The following CUX1 variants were observed in gnomAD, a reference collection of about 807,000 sequenced individuals.
CUX1 encodes cut like homeobox 1, also known as protein CASP.
CUX1 carries 31 observed loss-of-function variants against 158.8 expected under a neutral mutation model. That is an observed-to-expected ratio of 0.20 (90% CI 0.15 to 0.26). CUX1 has a LOEUF of 0.26. Ranked by LOEUF, CUX1 falls within the 10% of genes least tolerant of loss-of-function variation. CUX1 has a pLI of 1.00. For missense variants in CUX1, 1,589 were observed against 2,014.6 expected (o/e 0.79, Z 4.04); for synonymous variants, 879 against 862.1 (o/e 1.02, Z -0.34).
chr7:101,908,298 A>T lies in CUX1; in HGVS notation c.31-7817A>T, dbSNP rs557573966. ...AGGATGGCACTTTCCCGCATGCACC[A>T]CCATGCCTGGCTGATTTTTGTATTT... On this transcript the variant is annotated intron_variant, in intron 1 of 23. Coordinates refer to ENST00000292535, the MANE Select transcript of CUX1 (RefSeq NM_181552.4). Among the ~76,000 whole-genome samples, 106 of 152,294 alleles carry T rather than the reference A, an allele frequency of 7.0e-4. 1 individual carries two copies. The Middle Eastern group carries it at 0.024, about 34-fold the overall frequency.
At chr7:101,861,889 C>T (rs548623973) in intron 1 of CUX1, among the ~76,000 whole-genome samples, 1 of 152,156 alleles carries the variant, frequency 6.6e-6, no homozygotes, top group Non-Finnish European at 1.5e-5. Flanking sequence ...GGCTGGAGTG[C>T]AGTGGCACAA....
At chr7:102,276,608 G>A (rs1196777676) in intron 17 of CUX1, among the ~76,000 whole-genome samples, 1 of 152,152 alleles carries the variant, frequency 6.6e-6, no homozygotes, top group Non-Finnish European at 1.5e-5. Flanking sequence ...GCCACTGCTT[G>A]AATTTTGAAT....
chr7:102,067,123 G>C (rs998436277), intron 3 of CUX1, among the ~76,000 whole-genome samples: 5 of 151,658 alleles, frequency 3.3e-5, no homozygotes, highest in African/African-American at 1.2e-4. Flanking sequence ...ACACCCTTCA[G>C]TTGGCATCCA....
At chr7:102,114,724 T>G (rs1460470157) in intron 7 of CUX1, among the ~76,000 whole-genome samples, 1 of 152,074 alleles carries the variant, frequency 6.6e-6, no homozygotes, top group African/African-American at 2.4e-5. Context: ...CAACAGTGTT[T>G]TAAAATATTA....
chr7:102,195,785 C>T (rs1388732212), intron 14 of CUX1, among the ~76,000 whole-genome samples, 182 bp downstream of exon 14: 1 of 152,214 alleles, frequency 6.6e-6, no homozygotes, highest in African/African-American at 2.4e-5. Context: ...TTCCCTTCCC[C>T]GCCCTGCTTA....
intron 19 of CUX1, chr7:102,280,193 T>G: frequency 1.0e-6 from 1 of 997,372 alleles, no homozygotes; most frequent in South Asian, 1.3e-5. Flanking sequence ...CCCCCATCAC[T>G]TGGCCCCTAT....
chr7:101,983,346 C>T (rs1010012829), intron 2 of CUX1, among the ~76,000 whole-genome samples: 3 of 152,126 alleles, frequency 2.0e-5, no homozygotes, highest in African/African-American at 7.2e-5. Flanking sequence ...GTCTCCAGCC[C>T]CAGGAAACTT....
At chr7:102,215,927 C>T (rs923756346) in intron 20 of CUX1, among the ~76,000 whole-genome samples, 1 of 152,236 alleles carries the variant, frequency 6.6e-6, no homozygotes, top group Non-Finnish European at 1.5e-5. Flanking sequence ...ATGGGCACCC[C>T]CAAGCCTGCT....
rs183630141 is a variant in CUX1 at position 101,857,144 on chromosome 7, C to T, written c.30+39475C>T. ...CTGCGCCATGTTCCTGCCCTTACCC[C>T]GCCCGGTGTTAGCGTCACGTGGGTC... On this transcript the variant is annotated intron_variant, in intron 1 of 23. Coordinates refer to ENST00000292535, the MANE Select transcript of CUX1 (RefSeq NM_181552.4). Among the ~76,000 whole-genome samples the T allele has an allele frequency of 6.6e-5, 10 of 152,354 alleles. No homozygotes were observed. In the East Asian group the frequency reaches 9.7e-4, roughly 15 times the overall value.
In CUX1 at chr7:102,280,917, G is replaced by A. The variant is rs1400023636; in HGVS notation, c.1821+57G>A. ...GGACAGGCCTGAGCCTCTGTCTCCA[G>A]GCACCTCTTCACCTGCCCTGCAGCC... On this transcript the variant is annotated intron_variant, in intron 20 of 22. Transcript: ENST00000292538. 5 of 1,540,422 alleles carry A rather than the reference G, an allele frequency of 3.2e-6. No homozygotes were observed. In the East Asian group the frequency reaches 1.1e-4, roughly 35 times the overall value.
chr7:102,097,332 A>G (rs782180373), intron 4 of CUX1, 32 bp from the exon 5 acceptor site: 2 of 1,591,532 alleles, frequency 1.3e-6, no homozygotes, highest in Non-Finnish European at 1.7e-6. Flanking sequence ...TTGCTGGCCG[A>G]GTGGGGTGAT....
Position 102,250,912 on chromosome 7 carries a change from A to C in CUX1, c.*1870A>C. On this transcript the variant is annotated 3_prime_UTR_variant, in exon 24 of 24. Coordinates refer to ENST00000292535, the MANE Select transcript of CUX1 (RefSeq NM_181552.4). Reference sequence around the variant, plus strand: ...AGTTACGGCTTCTACAAGTTTGCTAATTTAGACTTCTTTATTGCCATATCT... The same window carrying C: ...AGTTACGGCTTCTACAAGTTTGCTACTTTAGACTTCTTTATTGCCATATCT... 3.0e-6 allele frequency: 3 copies of C among 984,998 alleles called. No individual in the cohort carries two copies. Among genetic ancestry groups the C allele is most frequent in the Middle Eastern group, 5.2e-4 (1 of 1,914 alleles). The allele number at this position is 984,998 out of a possible 1,614,324, so 61.0% of individuals were successfully genotyped here. A position where few individuals can be genotyped will look rare whatever the true frequency, so the allele number is the denominator to read the frequency against.
chr7:102,012,525 A>G (rs1818150879), intron 2 of CUX1, among the ~76,000 whole-genome samples: 1 of 152,076 alleles, frequency 6.6e-6, no homozygotes, highest in Non-Finnish European at 1.5e-5. Flanking sequence ...AAGATTTTGT[A>G]CTTGTCACAT....
At chr7:101,836,499 C>T (rs539865909) in intron 1 of CUX1, among the ~76,000 whole-genome samples, 1 of 152,008 alleles carries the variant, frequency 6.6e-6, no homozygotes, top group East Asian at 1.9e-4. Context: ...CCTCCTTGCT[C>T]AGCAACAAGG....
intron 17 of CUX1, chr7:102,275,374 T>A (rs782593786): frequency 6.3e-7 from 1 of 1,597,002 alleles, no homozygotes; most frequent in Non-Finnish European, 8.6e-7. Flanking sequence ...GTCACATCCT[T>A]CTCTCCCTGA....
At chr7:102,244,043 A>AAAT (rs1320193092) in intron 23 of CUX1, among the ~76,000 whole-genome samples, 5 of 152,114 alleles carry the variant, frequency 3.3e-5, no homozygotes, top group African/African-American at 1.2e-4. Context: ...ATAAAAATAA[A>AAAT]AATAAAAAAA....
intron 14 of CUX1, among the ~76,000 whole-genome samples, chr7:102,268,580 G>C (rs1790977466): frequency 6.6e-6 from 1 of 152,118 alleles, no homozygotes; most frequent in African/African-American, 2.4e-5. Context: ...CACCACCCCT[G>C]ATTTTCTGTA....
At chr7:102,202,778 T>C (rs1389522134) in intron 18 of CUX1, among the ~76,000 whole-genome samples, 1 of 152,170 alleles carries the variant, frequency 6.6e-6, no homozygotes, top group Non-Finnish European at 1.5e-5. Flanking sequence ...GACACACAGC[T>C]TGGGGATGGC....
intron 8 of CUX1, among the ~76,000 whole-genome samples, chr7:102,139,169 C>G (rs1378410764): frequency 1.6e-4 from 24 of 147,520 alleles, no homozygotes; most frequent in African/African-American, 6.1e-4. Flanking sequence ...CACTTGAACC[C>G]GGGAGGCAGA....
Sources: gnomAD v4.1 joint callset for allele counts (sites outside exome capture counted in the v4.1 genomes callset) on GRCh38, gnomAD v4.1.1 for gene constraint, MANE v1.5 for transcripts, NCBI Gene and HGNC (gene_info 2026-07-23, HGNC 2026-07-21) for gene names.